NALF1: variants seen among roughly 807,000 people sequenced by gnomAD.
The protein encoded by NALF1 is family with sequence similarity 155 member A.
In NALF1, 3 loss-of-function variants were observed where a neutral mutation model predicts 48.4. The ratio of observed to expected loss-of-function variants is 0.06; its 90% CI spans 0.03 to 0.16. The LOEUF (loss-of-function observed/expected upper bound fraction) is 0.16, where lower values mean the gene tolerates loss of function less well. Ranked by LOEUF, NALF1 falls within the 10% of genes least tolerant of loss-of-function variation. The pLI is 1.00. For missense variants in NALF1, 526 were observed against 571.5 expected (o/e 0.92, Z 0.81); for synonymous variants, 262 against 245.7 (o/e 1.07, Z -0.62).
intron 1 of NALF1, among the ~76,000 whole-genome samples, chr13:107,847,145 A>G (rs1247351728): frequency 6.6e-6 from 1 of 152,206 alleles, no homozygotes; most frequent in South Asian, 2.1e-4. Flanking sequence ...AATTAAAACT[A>G]AATTTTCCTT....
At chr13:107,205,112 C>T (rs557076184) in intron 2 of NALF1, among the ~76,000 whole-genome samples, 2 of 151,966 alleles carry the variant, frequency 1.3e-5, no homozygotes, top group South Asian at 2.1e-4. Context: ...CCCACTAACT[C>T]GTCATCTAGC....
intron 1 of NALF1, among the ~76,000 whole-genome samples, chr13:107,215,331 A>G (rs980256933): frequency 2.4e-4 from 37 of 152,008 alleles, no homozygotes; most frequent in Admixed American, 2.6e-4. Flanking sequence ...ATGAGCCCCC[A>G]CCCTCTACCT....
At chr13:107,416,237 G>A (rs187310779) in intron 1 of NALF1, among the ~76,000 whole-genome samples, 28 of 150,764 alleles carry the variant, frequency 1.9e-4, no homozygotes, top group Non-Finnish European at 3.2e-4. Flanking sequence ...GGATGGTCTC[G>A]ATCTCCTGAC....
Position 107,688,945 on chromosome 13 carries a change from T to A in NALF1, c.915+176737A>T, listed in dbSNP as rs149456504. On this transcript the variant is annotated intron_variant, in intron 1 of 2. Transcript: ENST00000375915. ...AAACGGAGGTCACTGGCGAGGATGA[T>A]GGTGATGAGAAGCAGGAGGGCACAT... is the stretch of plus-strand genomic sequence containing the variant. Among the ~76,000 whole-genome samples, 774 of 152,158 alleles carry A rather than the reference T, an allele frequency of 5.1e-3. 7 individuals are homozygous for A. Among genetic ancestry groups the A allele is most frequent in the Non-Finnish European group, 8.5e-3 (576 of 67,998 alleles).
Position 107,364,106 on chromosome 13 carries a change from G to A in NALF1, c.916-153351C>T, listed in dbSNP as rs574757400. Among the ~76,000 whole-genome samples, 7 of 152,230 alleles carry A rather than the reference G, an allele frequency of 4.6e-5. No individual in the cohort carries two copies. The East Asian group carries it at 1.2e-3, about 25-fold the overall frequency. On this transcript the variant is annotated intron_variant, in intron 1 of 2. Transcript: ENST00000375915. Reference sequence around the variant, plus strand: ...TTTGGAATGTTTTTCTTTTTACTGAGAAACAAAAGCTGCTCAGTACTGTTT... The same window carrying A: ...TTTGGAATGTTTTTCTTTTTACTGAAAAACAAAAGCTGCTCAGTACTGTTT...
rs530743070 is a variant in NALF1, at chr13:107,469,990, G to A, written c.916-259235C>T. Among the ~76,000 whole-genome samples, 7 of 151,912 alleles carry A rather than the reference G, an allele frequency of 4.6e-5. No individual in the cohort carries two copies. In the East Asian group the frequency reaches 1.4e-3, roughly 29 times the overall value. On this transcript the variant is annotated intron_variant, in intron 1 of 2. Coordinates refer to ENST00000375915, the MANE Select transcript of NALF1 (RefSeq NM_001080396.3). ...GATCTCCTGACCTCATGATCTGCCC[G>A]ACTCGGCCTCCCAAAGTGCTGAGAT... is the stretch of plus-strand genomic sequence containing the variant.
intron 1 of NALF1, among the ~76,000 whole-genome samples, chr13:107,634,399 G>T (rs973596221): frequency 2.6e-5 from 4 of 152,028 alleles, no homozygotes; most frequent in African/African-American, 9.7e-5. Context: ...AATTGCACTT[G>T]TACTCCATCA....
intron 1 of NALF1, among the ~76,000 whole-genome samples, chr13:107,646,333 C>A (rs548989027): frequency 2.7e-5 from 4 of 148,804 alleles, no homozygotes; most frequent in South Asian, 4.3e-4. Flanking sequence ...CAGGTAAAAA[C>A]CTTTCACATT....
intron 1 of NALF1, among the ~76,000 whole-genome samples, chr13:107,446,906 C>A (rs1884659739): frequency 6.6e-6 from 1 of 152,170 alleles, no homozygotes; most frequent in Non-Finnish European, 1.5e-5. Context: ...GAATATTAAG[C>A]CAATAGATAC....
At chr13:107,265,421 T>C (rs906835748) in intron 1 of NALF1, among the ~76,000 whole-genome samples, 3 of 152,206 alleles carry the variant, frequency 2.0e-5, no homozygotes, top group African/African-American at 7.2e-5. Flanking sequence ...CTTTATTTTT[T>C]ATTTATTTAT....
At chr13:107,784,205 T>A (rs976228805) in intron 1 of NALF1, among the ~76,000 whole-genome samples, 1 of 152,206 alleles carries the variant, frequency 6.6e-6, no homozygotes, top group Non-Finnish European at 1.5e-5. Context: ...GCGAAATAAC[T>A]ACTGCCCCGC....
intron 1 of NALF1, among the ~76,000 whole-genome samples, chr13:107,718,122 C>G (rs2138525029): frequency 6.6e-6 from 1 of 152,302 alleles, no homozygotes; most frequent in South Asian, 2.1e-4. Flanking sequence ...AGCCCTGCTG[C>G]TGTAAACATG....
intron 2 of NALF1, among the ~76,000 whole-genome samples, chr13:107,178,726 G>A (rs546615014): frequency 2.0e-5 from 3 of 152,242 alleles, no homozygotes; most frequent in Non-Finnish European, 2.9e-5. Context: ...GGCGGATCAC[G>A]AGGTCAGGAG....
chr13:107,802,769 T>G (rs1312052440), intron 1 of NALF1, among the ~76,000 whole-genome samples: 2 of 152,076 alleles, frequency 1.3e-5, no homozygotes, highest in African/African-American at 4.8e-5. Context: ...TAAATAAAAA[T>G]TGCTGAACGT....
chr13:107,745,973 T>C (rs1876769874), intron 1 of NALF1, among the ~76,000 whole-genome samples: 1 of 152,194 alleles, frequency 6.6e-6, no homozygotes. Flanking sequence ...ATTATTTACA[T>C]TTCATTCTGC....
intron 1 of NALF1, among the ~76,000 whole-genome samples, chr13:107,778,096 G>A (rs1012517834): frequency 1.3e-5 from 2 of 152,192 alleles, no homozygotes; most frequent in African/African-American, 4.8e-5. Flanking sequence ...CGATGAGGGA[G>A]ACCTGGGTAA....
intron 1 of NALF1, among the ~76,000 whole-genome samples, chr13:107,302,692 A>G (rs116339670): frequency 0.015 from 2,286 of 152,350 alleles, 64 homozygotes; most frequent in African/African-American, 0.052. Flanking sequence ...CCTAAAACCT[A>G]TGTTCAAAAC....
chr13:107,502,169 C>T (rs529234916), intron 1 of NALF1, among the ~76,000 whole-genome samples: 21 of 152,112 alleles, frequency 1.4e-4, no homozygotes, highest in Middle Eastern at 3.4e-3. Flanking sequence ...CATGAAAATA[C>T]AAATATGAGA....
chr13:107,248,961 C>CAT (rs772774780), intron 1 of NALF1, among the ~76,000 whole-genome samples: 4 of 150,470 alleles, frequency 2.7e-5, no homozygotes, highest in African/African-American at 4.9e-5. Context: ...TGTACACACA[C>CAT]ATATATATAT....
Sources: allele counts gnomAD v4.1 joint callset (sites outside exome capture counted in the v4.1 genomes callset), GRCh38; gene constraint gnomAD v4.1.1; transcripts MANE v1.5; gene names NCBI Gene and HGNC (gene_info 2026-07-23, HGNC 2026-07-21).